PSEN1: variants seen among roughly 807,000 people sequenced by gnomAD.
PSEN1 encodes presenilin-1.
A neutral mutation model predicts 53.5 loss-of-function variants in PSEN1; 15 were observed. The observed-to-expected ratio is 0.28, with a 90% confidence interval of 0.19 to 0.43. The LOEUF (loss-of-function observed/expected upper bound fraction) is 0.43, where lower values mean the gene tolerates loss of function less well. PSEN1 is among the 20% of genes least tolerant of loss of function. PSEN1 has a pLI of 1.00. For synonymous variants in PSEN1, 208 were observed against 209.8 expected (o/e 0.99, Z 0.08); for missense variants, 387 against 571.2 (o/e 0.68, Z 3.29).
At chr14:73,186,393 G>A (rs995769356) in intron 5 of PSEN1, among the ~76,000 whole-genome samples, 2 of 151,684 alleles carry the variant, frequency 1.3e-5, no homozygotes, top group African/African-American at 2.4e-5. Context: ...AAAAAAAAAA[G>A]AATATTCAAA....
chr14:73,144,573 C>T lies in PSEN1; in HGVS notation c.-135-3222C>T, dbSNP rs192876830. 1.9e-4 allele frequency among the ~76,000 whole-genome samples: 29 copies of T among 152,240 alleles called. No individual in the cohort carries two copies. In the East Asian group the frequency reaches 4.8e-3, roughly 25 times the overall value. On this transcript the variant is annotated intron_variant, in intron 1 of 11. Transcript: ENST00000324501. ...TTTTATAAAGAGGCAATATAGTGTA[C>T]TCTGTGAATTCCAACTCCTCACTTG...
chr14:73,186,103 C>T (rs1446999206), intron 5 of PSEN1, among the ~76,000 whole-genome samples: 2 of 152,122 alleles, frequency 1.3e-5, no homozygotes, highest in Admixed American at 1.3e-4. Context: ...CAAATGTTGG[C>T]TAGGTGCGGT....
chr14:73,158,970 TTGAG>T (rs1344641827), intron 3 of PSEN1, among the ~76,000 whole-genome samples: 1 of 152,210 alleles, frequency 6.6e-6, no homozygotes, highest in Non-Finnish European at 1.5e-5. Context: ...AGTAATGATG[TTGAG>T]TTTCTTTTCA....
Position 73,198,058 on chromosome 14 carries a change from G to T in PSEN1, c.797G>T (p.Gly266Val), listed in dbSNP as rs1203424298. The change falls in exon 8 of 12, where the codon GGT becomes GTT. Residue 266 changes from glycine to valine, a missense_variant. This residue lies in a region of PSEN1 where 169 missense variants were observed against 299.7 expected (regional missense o/e 0.56). Coordinates refer to ENST00000324501, the MANE Select transcript of PSEN1 (RefSeq NM_000021.4). ...TTAGTGGCTGTTTTGTGTCCGAAAG[G>T]TCCACTTCGTATGCTGGTTGAAACA... ...YDLVAVLCPK[G>V]PLRMLVETAQ... The T allele has an allele frequency of 6.2e-7, 1 of 1,611,636 alleles. No individual in the cohort carries two copies.
intron 7 of PSEN1, among the ~76,000 whole-genome samples, chr14:73,195,969 C>T (rs990205981): frequency 2.0e-5 from 3 of 152,106 alleles, no homozygotes; most frequent in African/African-American, 7.2e-5. Flanking sequence ...TTCTTTTCAC[C>T]GTATTACAAT....
chr14:73,222,203 T>G lies in PSEN1; in HGVS notation c.*2914T>G, dbSNP rs1900130443. ...TTTCTCAATTAGAAAAAGTAGAAGC[T>G]TTCTAAGCAACTTGGAAGAAAACAG... On this transcript the variant is annotated 3_prime_UTR_variant, in exon 12 of 12. Transcript: ENST00000324501. The G allele has an allele frequency of 6.6e-6, 1 of 152,208 alleles. No individual in the cohort carries two copies. Among genetic ancestry groups the G allele is most frequent in the Non-Finnish European group, 1.5e-5 (1 of 68,032 alleles). 9.4% of individuals were successfully genotyped at this position (152,208 alleles called of 1,614,324 possible).
rs1033217198 is a variant in PSEN1 at position 73,211,885 on chromosome 14, C to T, written c.1072C>T (p.Arg358Ter). 1 of 1,613,816 alleles carries T rather than the reference C, an allele frequency of 6.2e-7. No homozygotes were observed. The highest frequency in any genetic ancestry group is 1.1e-5 in the South Asian group (1 of 91,068). Reference sequence around the variant, plus strand: ...GCCTCATCGCTCTACACCTGAGTCACGAGCTGCTGTCCAGGAACTTTCCAG... The same window carrying T: ...GCCTCATCGCTCTACACCTGAGTCATGAGCTGCTGTCCAGGAACTTTCCAG... Reference protein sequence around the residue: ...LGPHRSTPESRAAVQELSSSI... With the variant: ...LGPHRSTPES The change falls in exon 10 of 12, where the codon CGA (arginine) becomes TGA (stop). Residue 358 changes from arginine (R) to a stop codon, truncating the protein, a stop_gained. Coordinates refer to ENST00000324501, the MANE Select transcript of PSEN1 (RefSeq NM_000021.4). LOFTEE classifies it high-confidence loss of function.
At chr14:73,215,772 G>C (rs918617147) in intron 10 of PSEN1, among the ~76,000 whole-genome samples, 3 of 152,136 alleles carry the variant, frequency 2.0e-5, no homozygotes, top group African/African-American at 4.8e-5. Flanking sequence ...AATCAGAGTG[G>C]CTAGAATGAA....
At position 73,140,202 on chromosome 14, in the gene PSEN1, CTTTTTTTTTTTTT is replaced by C. The variant is rs35223948; in HGVS notation, c.-136+3633_-136+3645del. On this transcript the variant is annotated intron_variant, in intron 1 of 11. Transcript: ENST00000324501. ...AAAAGGTTTTTCTTTTTTTGCTATT[CTTTTTTTTTTTTT>C]TTTTTTTTTTTTTGAGACAGAGTCT... 1.6e-4 allele frequency among the ~76,000 whole-genome samples: 12 copies of C among 73,040 alleles called. 1 individual carries two copies. Among genetic ancestry groups the C allele is most frequent in the Non-Finnish European group, 2.8e-4 (11 of 39,910 alleles). The allele number at this position is 73,040 out of a possible 152,430, so 47.9% of individuals were successfully genotyped here.
chr14:73,148,789 C>T (rs775509900), intron 3 of PSEN1, among the ~76,000 whole-genome samples: 9 of 152,048 alleles, frequency 5.9e-5, no homozygotes, highest in South Asian at 2.1e-4. Flanking sequence ...AAAAATTAGC[C>T]GGGCTTGGTG....
intron 1 of PSEN1, among the ~76,000 whole-genome samples, chr14:73,147,065 A>G (rs1030167300): frequency 6.9e-6 from 1 of 145,610 alleles, no homozygotes; most frequent in African/African-American, 2.5e-5. Flanking sequence ...TTTTTTCTGC[A>G]ACCTCCACCT....
At chr14:73,200,734 T>A (rs1899145288) in intron 8 of PSEN1, among the ~76,000 whole-genome samples, 1 of 152,136 alleles carries the variant, frequency 6.6e-6, no homozygotes, top group Non-Finnish European at 1.5e-5. Flanking sequence ...ATTTTTCTGT[T>A]GAGTTACTGG....
chr14:73,216,872 T>G (rs1462433870), intron 10 of PSEN1, among the ~76,000 whole-genome samples: 2 of 152,188 alleles, frequency 1.3e-5, no homozygotes, highest in Non-Finnish European at 2.9e-5. Context: ...AGATGACGAT[T>G]ATTACTTATT....
chr14:73,166,971 A>C (rs1170302414), intron 3 of PSEN1, among the ~76,000 whole-genome samples: 1 of 152,072 alleles, frequency 6.6e-6, no homozygotes, highest in Non-Finnish European at 1.5e-5. Context: ...GTATTGCTAT[A>C]ACAGAATACC....
chr14:73,173,135 T>C (rs1431821900), intron 4 of PSEN1, among the ~76,000 whole-genome samples: 1 of 152,192 alleles, frequency 6.6e-6, no homozygotes, highest in Non-Finnish European at 1.5e-5. Context: ...ACAACTCCAG[T>C]TGCAATTACT....
chr14:73,159,831 C>CT (rs554376378), intron 3 of PSEN1, among the ~76,000 whole-genome samples: 126 of 151,886 alleles, frequency 8.3e-4, no homozygotes, highest in Non-Finnish European at 1.3e-3. Context: ...GAGTTTTTTT[C>CT]TTTTTTTTGA....
chr14:73,209,544 G>T (rs1487745128), intron 9 of PSEN1, among the ~76,000 whole-genome samples: 1 of 152,196 alleles, frequency 6.6e-6, no homozygotes, highest in African/African-American at 2.4e-5. Context: ...AGGCCCTGGG[G>T]ATATAGCACT....
chr14:73,208,057 G>A (rs1433693031), intron 9 of PSEN1, among the ~76,000 whole-genome samples: 1 of 152,192 alleles, frequency 6.6e-6, no homozygotes, highest in Non-Finnish European at 1.5e-5. Flanking sequence ...GGGAACACAG[G>A]GGCACCCAGA....
chr14:73,152,614 A>G (rs1474970010), intron 3 of PSEN1, among the ~76,000 whole-genome samples: 1 of 149,518 alleles, frequency 6.7e-6, no homozygotes, highest in Non-Finnish European at 1.5e-5. Context: ...TCAAAAAAAG[A>G]AAAAAAAAAC....
Sources: allele counts gnomAD v4.1 joint callset (sites outside exome capture counted in the v4.1 genomes callset), GRCh38; gene constraint gnomAD v4.1.1; regional missense constraint gnomAD v4.1.1; transcripts MANE v1.5; gene names NCBI Gene and HGNC (gene_info 2026-07-23, HGNC 2026-07-21).